PLEKHA5: variants seen among roughly 807,000 people sequenced by gnomAD.
The protein encoded by PLEKHA5 is pleckstrin homology domain-containing family A member 5.
A neutral mutation model predicts 181.9 loss-of-function variants in PLEKHA5; 55 were observed. The observed-to-expected ratio is 0.30, with a 90% confidence interval of 0.24 to 0.38. PLEKHA5 has a LOEUF of 0.38. PLEKHA5 is among the 10% of genes least tolerant of loss of function. The probability of loss-of-function intolerance (pLI) is 1.00; values close to 1 mark genes in which losing one functional copy is unlikely to be tolerated. For missense variants in PLEKHA5, 1,432 were observed against 1,549.5 expected (o/e 0.92, Z 1.27); for synonymous variants, 535 against 529.4 (o/e 1.01, Z -0.15).
At chr12:19,355,482 G>T (rs1011034201) in intron 26 of PLEKHA5, among the ~76,000 whole-genome samples, 1 of 151,140 alleles carries the variant, frequency 6.6e-6, no homozygotes, top group Non-Finnish European at 1.5e-5. Context: ...CTCCTGGCTA[G>T]CTGGGACAAT....
At chr12:19,225,777 A>C (rs889021375) in intron 3 of PLEKHA5, among the ~76,000 whole-genome samples, 1 of 152,188 alleles carries the variant, frequency 6.6e-6, no homozygotes, top group Non-Finnish European at 1.5e-5. Context: ...GCAGTTTGGC[A>C]ATTCCATTTG....
chr12:19,252,179 T>C (rs956225142), intron 3 of PLEKHA5, among the ~76,000 whole-genome samples: 6 of 152,160 alleles, frequency 3.9e-5, no homozygotes, highest in African/African-American at 1.4e-4. Flanking sequence ...CTTCAGAGTA[T>C]TGAGTTACCC....
At chr12:19,295,758 G>A (rs2079590944) in intron 15 of PLEKHA5, among the ~76,000 whole-genome samples, 1 of 152,102 alleles carries the variant, frequency 6.6e-6, no homozygotes, top group African/African-American at 2.4e-5. Flanking sequence ...AGAAGAAGGA[G>A]CACACTGGTT....
intron 3 of PLEKHA5, among the ~76,000 whole-genome samples, chr12:19,163,356 T>G (rs528850192): frequency 6.6e-6 from 1 of 152,182 alleles, no homozygotes; most frequent in African/African-American, 2.4e-5. Context: ...TTTTTGTATT[T>G]TTAGTAGAGA....
rs183254954 is a variant in PLEKHA5, at chr12:19,137,109, C to T, written c.227+4659C>T. Among the ~76,000 whole-genome samples, 53 of 152,054 alleles carry T rather than the reference C, an allele frequency of 3.5e-4. 1 individual carries two copies. Among genetic ancestry groups the T allele is most frequent in the African/African-American group, 8.9e-4 (37 of 41,498 alleles). ...CCCAGGCTGGCATGATCTCAGCTCA[C>T]GCAACGTCCACCTCCCGGGTTCAAG... On this transcript the variant is annotated intron_variant, in intron 3 of 31. Coordinates refer to ENST00000429027, the MANE Select transcript of PLEKHA5 (RefSeq NM_001256470.2).
intron 3 of PLEKHA5, among the ~76,000 whole-genome samples, chr12:19,191,791 C>A (rs1020744942): frequency 6.6e-6 from 1 of 152,082 alleles, no homozygotes; most frequent in Non-Finnish European, 1.5e-5. Flanking sequence ...TGGAGGATCA[C>A]GTGTCTGGCA....
In PLEKHA5 at chr12:19,332,033, C is replaced by T. The variant is rs538772886; in HGVS notation, c.2449-4482C>T. Among the ~76,000 whole-genome samples the T allele has an allele frequency of 4.0e-4, 61 of 152,236 alleles. 1 individual carries two copies. In the South Asian group the frequency reaches 0.012, roughly 30 times the overall value. On this transcript the variant is annotated intron_variant, in intron 20 of 31. Coordinates refer to ENST00000429027, the MANE Select transcript of PLEKHA5 (RefSeq NM_001256470.2). ...AAAAGTCTGGCCTGGCACAGAGGCT[C>T]ACACCTGTAATCCCAGTTCTTTGGA...
intron 3 of PLEKHA5, chr12:19,200,308 A>T (rs2053914140): frequency 1.3e-6 from 2 of 1,519,198 alleles, no homozygotes; most frequent in Non-Finnish European, 1.8e-6. Flanking sequence ...AATTTTTTTT[A>T]TCCTTTATCC....
intron 3 of PLEKHA5, among the ~76,000 whole-genome samples, chr12:19,184,284 A>G (rs142367901): frequency 2.3e-4 from 35 of 152,308 alleles, no homozygotes; most frequent in African/African-American, 7.7e-4. Context: ...TTATCAAGCC[A>G]TAGTCTATTT....
chr12:19,302,906 ATTTTTTTTTT>A (rs34702332), intron 15 of PLEKHA5, among the ~76,000 whole-genome samples: 11 of 53,992 alleles, frequency 2.0e-4, no homozygotes, highest in African/African-American at 7.5e-5. Flanking sequence ...TCTGTATGAA[ATTTTTTTTTT>A]TTTTTTTTTT....
chr12:19,137,140 C>G (rs1285973475), intron 3 of PLEKHA5, among the ~76,000 whole-genome samples: 1 of 151,940 alleles, frequency 6.6e-6, no homozygotes, highest in Non-Finnish European at 1.5e-5. Flanking sequence ...TCAAGCAGTT[C>G]TCCTGCCTCA....
rs141421465 is a variant in PLEKHA5, at chr12:19,321,412, G to C, written c.2217+788G>C. ...AGGGTCTCTCTCTGTCACCCGGGTT[G>C]GAGTGCAGTGTCATGATCTCAACTC... On this transcript the variant is annotated intron_variant, in intron 18 of 31. Coordinates refer to ENST00000429027, the MANE Select transcript of PLEKHA5 (RefSeq NM_001256470.2). 3.2e-3 allele frequency among the ~76,000 whole-genome samples: 377 copies of C among 119,672 alleles called. 1 individual carries two copies. The highest frequency in any genetic ancestry group is 0.011 in the African/African-American group (364 of 32,000). 78.5% of individuals were successfully genotyped at this position (119,672 alleles called of 152,430 possible).
chr12:19,140,453 A>T (rs2036928555), intron 3 of PLEKHA5, among the ~76,000 whole-genome samples: 1 of 152,166 alleles, frequency 6.6e-6, no homozygotes, highest in Non-Finnish European at 1.5e-5. Context: ...CACTGGGGGA[A>T]CATCTTGGCC....
chr12:19,290,559 A>G (rs1282237414), intron 13 of PLEKHA5, 118 bp from the exon 14 acceptor site: 1 of 774,914 alleles, frequency 1.3e-6, no homozygotes, highest in Non-Finnish European at 2.0e-6. Flanking sequence ...CCTAGGCACT[A>G]TGTTTGATGT....
At chr12:19,200,692 T>C in intron 3 of PLEKHA5, 4 of 1,013,488 alleles carry the variant, frequency 3.9e-6, no homozygotes, top group Non-Finnish European at 4.7e-6. Context: ...TGCTTGCTAT[T>C]TCTGCTTTCC....
rs534179117 is a variant in PLEKHA5, at chr12:19,159,505, C to G, written c.227+27055C>G. Among the ~76,000 whole-genome samples, 3 of 152,236 alleles carry G rather than the reference C, an allele frequency of 2.0e-5. No individual in the cohort carries two copies. The East Asian group carries it at 5.8e-4, about 29-fold the overall frequency. On this transcript the variant is annotated intron_variant, in intron 3 of 31. Transcript: ENST00000429027. Reference sequence around the variant, plus strand: ...AGATGATTGCTATAACATTTTCTTACCCATCTACAGACTTATAGTTTTAAC... The same window carrying G: ...AGATGATTGCTATAACATTTTCTTAGCCATCTACAGACTTATAGTTTTAAC...
intron 15 of PLEKHA5, among the ~76,000 whole-genome samples, chr12:19,307,995 A>G (rs533271352): frequency 6.6e-6 from 1 of 152,306 alleles, no homozygotes; most frequent in South Asian, 2.1e-4. Flanking sequence ...GAAGAAGAGT[A>G]AAGATAGGGA....
In PLEKHA5 at chr12:19,257,540, A is replaced by G. The variant is rs2067182763; in HGVS notation, c.537+3A>G. On this transcript the variant is annotated splice_donor_region_variant and intron_variant, in intron 6 of 31. Coordinates refer to ENST00000429027, the MANE Select transcript of PLEKHA5 (RefSeq NM_001256470.2). ...GACGAGGTTGGCTTTATAAACAGGT[A>G]TTTTTTTTTTTTTGATATGAAACAA... is the stretch of plus-strand genomic sequence containing the variant. 9.9e-7 allele frequency: 1 copy of G among 1,013,962 alleles called. No homozygotes were observed. The highest frequency in any genetic ancestry group is 1.6e-5 in the African/African-American group (1 of 60,820). The allele number at this position is 1,013,962 out of a possible 1,614,324, so 62.8% of individuals were successfully genotyped here.
At chr12:19,225,357 A>C (rs966197399) in intron 3 of PLEKHA5, among the ~76,000 whole-genome samples, 12 of 152,152 alleles carry the variant, frequency 7.9e-5, no homozygotes, top group African/African-American at 2.9e-4. Context: ...ACTACATCTA[A>C]AACATCTGAG....
Sources: allele counts gnomAD v4.1 joint callset (sites outside exome capture counted in the v4.1 genomes callset), GRCh38; gene constraint gnomAD v4.1.1; transcripts MANE v1.5; gene names NCBI Gene and HGNC (gene_info 2026-07-23, HGNC 2026-07-21).